Variants in KCNIP4 observed in about 807,000 individuals in gnomAD.
KCNIP4 encodes potassium voltage-gated channel interacting protein 4, also known as Kv channel-interacting protein 4.
Under a neutral mutation model 34.0 loss-of-function variants are expected in KCNIP4, and 12 were observed. The observed-to-expected ratio is 0.35, with a 90% confidence interval of 0.23 to 0.57. KCNIP4 has a LOEUF of 0.57. Among genes scored for constraint, KCNIP4 ranks in the 20% least tolerant of loss-of-function variants. KCNIP4 has a pLI of 0.83. For missense variants in KCNIP4, 238 were observed against 311.7 expected (o/e 0.76, Z 1.78); for synonymous variants, 124 against 102.2 (o/e 1.21, Z -1.29).
At chr4:21,831,951 T>A (rs1189388716) in intron 1 of KCNIP4, among the ~76,000 whole-genome samples, 1 of 151,952 alleles carries the variant, frequency 6.6e-6, no homozygotes, top group Non-Finnish European at 1.5e-5. Context: ...AAAGATCATA[T>A]ACCAGAAATC....
In KCNIP4 at chr4:20,900,827, G is replaced by A. The variant is rs894697197; in HGVS notation, c.62-18118C>T. ...ATAAAAAGAAAAAAAAAACACCCAAGGATATAAAATTGAGAAAAGATATCT... is the reference window on the plus strand; with the variant it reads ...ATAAAAAGAAAAAAAAAACACCCAAAGATATAAAATTGAGAAAAGATATCT... On this transcript the variant is annotated intron_variant, in intron 1 of 8. Coordinates refer to ENST00000382152, the MANE Select transcript of KCNIP4 (RefSeq NM_025221.6). 2.0e-5 allele frequency among the ~76,000 whole-genome samples: 3 copies of A among 152,074 alleles called. No homozygotes were observed. In the East Asian group the frequency reaches 5.8e-4, roughly 29 times the overall value.
At chr4:21,768,393 T>C (rs899788977) in intron 1 of KCNIP4, among the ~76,000 whole-genome samples, 1 of 152,212 alleles carries the variant, frequency 6.6e-6, no homozygotes, top group African/African-American at 2.4e-5. Flanking sequence ...TATTTTAAGG[T>C]AAATTCCGAT....
intron 2 of KCNIP4, among the ~76,000 whole-genome samples, chr4:20,873,587 C>A (rs1360263440): frequency 4.6e-5 from 7 of 152,140 alleles, no homozygotes; most frequent in African/African-American, 7.2e-5. Context: ...TGTCTCTTGT[C>A]TTCAAATATT....
chr4:20,790,645 AT>A lies in KCNIP4; in HGVS notation c.289-31756del, dbSNP rs566831964. On this transcript the variant is annotated intron_variant, in intron 3 of 8. Coordinates refer to ENST00000382152, the MANE Select transcript of KCNIP4 (RefSeq NM_025221.6). The stretch of plus-strand genomic sequence containing the variant: ...AGGCCTACACAGAATCAGGATCCCT[AT>A]TATGACTGTCTTCCACTTCCACATC... Among the ~76,000 whole-genome samples, 68 of 152,300 alleles carry A rather than the reference AT, an allele frequency of 4.5e-4. 1 individual carries two copies. In the East Asian group the frequency reaches 0.011, roughly 24 times the overall value.
chr4:21,768,798 C>G (rs1426290305), intron 1 of KCNIP4, among the ~76,000 whole-genome samples: 1 of 152,002 alleles, frequency 6.6e-6, no homozygotes, highest in Non-Finnish European at 1.5e-5. Flanking sequence ...GAGATAATCT[C>G]TGGTATACAG....
chr4:21,725,174 C>A (rs975377929), intron 1 of KCNIP4, among the ~76,000 whole-genome samples: 1 of 152,152 alleles, frequency 6.6e-6, no homozygotes, highest in African/African-American at 2.4e-5. Context: ...TTAAACCAAT[C>A]ATTCTTCATC....
chr4:20,954,994 T>C (rs1425226573), intron 1 of KCNIP4, among the ~76,000 whole-genome samples: 1 of 152,190 alleles, frequency 6.6e-6, no homozygotes, highest in Non-Finnish European at 1.5e-5. Flanking sequence ...GCAGGTAGTA[T>C]TCTGGATTTC....
intron 1 of KCNIP4, among the ~76,000 whole-genome samples, chr4:21,410,925 G>A (rs1310652728): frequency 6.6e-6 from 1 of 152,160 alleles, no homozygotes; most frequent in African/African-American, 2.4e-5. Flanking sequence ...AAAGGGATTG[G>A]ATGGCCCACA....
chr4:21,633,762 G>A (rs1337926188), intron 1 of KCNIP4, among the ~76,000 whole-genome samples: 1 of 151,806 alleles, frequency 6.6e-6, no homozygotes, highest in Non-Finnish European at 1.5e-5. Flanking sequence ...AATTTAAACT[G>A]AGAAATTATT....
At chr4:21,552,031 CTT>C (rs541675862) in intron 1 of KCNIP4, among the ~76,000 whole-genome samples, 1,179 of 110,226 alleles carry the variant, frequency 0.011, 7 homozygotes, top group Non-Finnish European at 0.013. Flanking sequence ...CAAGGGAGAG[CTT>C]TTTTTAAAAA....
intron 1 of KCNIP4, among the ~76,000 whole-genome samples, chr4:20,898,403 C>T (rs1726789318): frequency 6.6e-6 from 1 of 152,142 alleles, no homozygotes; most frequent in Non-Finnish European, 1.5e-5. Context: ...AACCACATGA[C>T]TTATTGTCCA....
chr4:20,734,525 T>A (rs1749116941), intron 6 of KCNIP4, 103 bp downstream of exon 6: 1 of 571,872 alleles, frequency 1.7e-6, no homozygotes, highest in East Asian at 3.2e-5. Context: ...TATTTTGGAA[T>A]TTCCTCAAAA....
At chr4:21,678,365 T>C (rs1390415934) in intron 1 of KCNIP4, among the ~76,000 whole-genome samples, 1 of 150,186 alleles carries the variant, frequency 6.7e-6, no homozygotes, top group Non-Finnish European at 1.5e-5. Context: ...TCTTAGTTAA[T>C]GGACCATGCA....
At chr4:21,675,509 A>T (rs1434203774) in intron 1 of KCNIP4, among the ~76,000 whole-genome samples, 1 of 152,164 alleles carries the variant, frequency 6.6e-6, no homozygotes, top group Non-Finnish European at 1.5e-5. Context: ...ATTCTCCATG[A>T]TGTGCTTATT....
chr4:21,683,217 A>T (rs1750523290), intron 1 of KCNIP4, among the ~76,000 whole-genome samples: 1 of 152,164 alleles, frequency 6.6e-6, no homozygotes, highest in Non-Finnish European at 1.5e-5. Flanking sequence ...CATATTAAAG[A>T]CACAACAGAC....
At chr4:21,305,114 C>T (rs1712304549) in intron 1 of KCNIP4, among the ~76,000 whole-genome samples, 2 of 152,084 alleles carry the variant, frequency 1.3e-5, no homozygotes, top group African/African-American at 4.8e-5. Flanking sequence ...AAGAGAGAGA[C>T]AGCATCTTAG....
At chr4:21,319,639 G>A (rs1051498989) in intron 1 of KCNIP4, among the ~76,000 whole-genome samples, 1 of 152,128 alleles carries the variant, frequency 6.6e-6, no homozygotes, top group Non-Finnish European at 1.5e-5. Flanking sequence ...CCTTGTGAAG[G>A]TAAACTTCTT....
At chr4:21,444,467 C>A (rs906154987) in intron 1 of KCNIP4, among the ~76,000 whole-genome samples, 1 of 152,170 alleles carries the variant, frequency 6.6e-6, no homozygotes, top group African/African-American at 2.4e-5. Flanking sequence ...AAGGCTGGTT[C>A]AACATACGCA....
At chr4:21,099,208 G>A (rs936143689) in intron 1 of KCNIP4, among the ~76,000 whole-genome samples, 3 of 152,164 alleles carry the variant, frequency 2.0e-5, no homozygotes, top group African/African-American at 7.2e-5. Context: ...GCAAAGACAT[G>A]AAATCAACCC....
Sources: gnomAD v4.1 joint callset for allele counts (sites outside exome capture counted in the v4.1 genomes callset) on GRCh38, gnomAD v4.1.1 for gene constraint, MANE v1.5 for transcripts, NCBI Gene and HGNC (gene_info 2026-07-23, HGNC 2026-07-21) for gene names.